DRAXIN: variants seen among roughly 807,000 people sequenced by gnomAD.
DRAXIN encodes the protein dorsal inhibitory axon guidance protein, also known as dorsal repulsive axon guidance protein.
A neutral mutation model predicts 33.9 loss-of-function variants in DRAXIN; 27 were observed. That is an observed-to-expected ratio of 0.80 (90% CI 0.59 to 1.10). The LOEUF (loss-of-function observed/expected upper bound fraction) is 1.10. DRAXIN is among the 50% of genes least tolerant of loss of function. The probability of loss-of-function intolerance (pLI) is 0.00; values close to 1 mark genes in which losing one functional copy is unlikely to be tolerated. For synonymous variants in DRAXIN, 178 were observed against 194.0 expected, an observed-to-expected ratio of 0.92 and a Z score of 0.69; for missense variants, 371 against 460.8, an observed-to-expected ratio of 0.81 and a Z score of 1.78.
At chr1:11,699,292 C>T (rs1429753721) in intron 1 of DRAXIN, among the ~76,000 whole-genome samples, 2 of 152,080 alleles carry the variant, frequency 1.3e-5, no homozygotes, top group Non-Finnish European at 2.9e-5. Context: ...ATCAACAAAA[C>T]AGTGTTTTAT....
chr1:11,710,635 C>A lies in DRAXIN; in HGVS notation c.642+1170C>A, dbSNP rs557604382. On this transcript the variant is annotated intron_variant, in intron 3 of 6. Coordinates refer to ENST00000294485, the MANE Select transcript of DRAXIN (RefSeq NM_198545.4). ...TCTGTGGCTTTTAAAGGTTTTCAGG[C>A]CGGGCGCGGTGGCTCATGCCTGTAA... Among the ~76,000 whole-genome samples the A allele has an allele frequency of 1.3e-4, 20 of 152,020 alleles. No individual in the cohort carries two copies. The South Asian group carries it at 4.0e-3, about 30-fold the overall frequency.
At chr1:11,717,349 G>A (rs1212847557) in intron 6 of DRAXIN, among the ~76,000 whole-genome samples, 3 of 151,880 alleles carry the variant, frequency 2.0e-5, no homozygotes, top group Non-Finnish European at 4.4e-5. Context: ...TCCTACAGTT[G>A]TTTTAGAAAG....
chr1:11,721,877 T>A lies in DRAXIN; in HGVS notation c.*2181T>A, dbSNP rs12138636. On this transcript the variant is annotated 3_prime_UTR_variant, in exon 7 of 7. Coordinates refer to ENST00000294485, the MANE Select transcript of DRAXIN (RefSeq NM_198545.4). ...GGGCTCATGTCTGACATCCCAGCAC[T>A]CTGGGAGGCCGAGGTAGGCAGATCA... The A allele has an allele frequency of 0.056, 8,462 of 152,186 alleles. 295 individuals are homozygous for A. The highest frequency in any genetic ancestry group is 0.078 in the Non-Finnish European group (5,318 of 68,054). 9.4% of individuals were successfully genotyped at this position (152,186 alleles called of 1,614,324 possible).
rs561201803 is a variant in DRAXIN, at chr1:11,718,396, A to T, written c.938-1188A>T. Among the ~76,000 whole-genome samples the T allele has an allele frequency of 1.5e-4, 23 of 151,886 alleles. No individual in the cohort carries two copies. The East Asian group carries it at 3.9e-3, about 25-fold the overall frequency. On this transcript the variant is annotated intron_variant, in intron 6 of 6. Coordinates refer to ENST00000294485, the MANE Select transcript of DRAXIN (RefSeq NM_198545.4). Reference sequence around the variant, plus strand: ...CAGAATTTGAGCCACTTAAAAAAAAATTTAATAACCTTTTTCCTTTCCAAT... The same window carrying T: ...CAGAATTTGAGCCACTTAAAAAAAATTTTAATAACCTTTTTCCTTTCCAAT...
upstream of DRAXIN, among the ~76,000 whole-genome samples, chr1:11,691,181 T>G (rs1412824968): frequency 2.0e-5 from 3 of 148,450 alleles, no homozygotes; most frequent in Non-Finnish European, 4.5e-5. Flanking sequence ...ATTTCTTCCG[T>G]CCCTTTTGAC....
intron 1 of DRAXIN, among the ~76,000 whole-genome samples, chr1:11,695,134 G>A (rs1641171141): frequency 6.6e-6 from 1 of 152,200 alleles, no homozygotes; most frequent in Admixed American, 6.5e-5. Flanking sequence ...GGAATGTGAT[G>A]GAGCAGGGAT....
At position 11,720,084 on chromosome 1, in the gene DRAXIN, A is replaced by G; in HGVS notation, c.*388A>G. 1 of 237,900 alleles carries G rather than the reference A, an allele frequency of 4.2e-6. No individual in the cohort carries two copies. Among genetic ancestry groups the G allele is most frequent in the African/African-American group, 2.2e-5 (1 of 45,872 alleles). 14.7% of individuals were successfully genotyped at this position (237,900 alleles called of 1,614,324 possible). On this transcript the variant is annotated 3_prime_UTR_variant, in exon 7 of 7. Coordinates refer to ENST00000294485, the MANE Select transcript of DRAXIN (RefSeq NM_198545.4). ...GAAGGTCCACCATCAGGAGATGAAT[A>G]TGGAACATCTCCTATGTACCAGGCA...
chr1:11,692,915 G>A lies in DRAXIN; in HGVS notation c.-11+1062G>A, dbSNP rs1043485560. 8.6e-5 allele frequency among the ~76,000 whole-genome samples: 13 copies of A among 151,706 alleles called. 1 individual carries two copies. The highest frequency in any genetic ancestry group is 1.5e-4 in the Non-Finnish European group (10 of 67,948). Reference sequence around the variant, plus strand: ...ATGTGTGTGGAAATTGTGGGGTGCCGCTTGGTGCTGGTTCACACACCCTGT... The same window carrying A: ...ATGTGTGTGGAAATTGTGGGGTGCCACTTGGTGCTGGTTCACACACCCTGT... On this transcript the variant is annotated intron_variant, in intron 1 of 6. Coordinates refer to ENST00000294485, the MANE Select transcript of DRAXIN (RefSeq NM_198545.4). The surrounding 1 kb of genome is among the most constrained non-coding windows in gnomAD (Gnocchi z 5.8).
intron 6 of DRAXIN, among the ~76,000 whole-genome samples, chr1:11,718,315 CAAA>C (rs759545157): frequency 2.1e-5 from 2 of 93,908 alleles, no homozygotes; most frequent in South Asian, 3.6e-4. Context: ...AACTCCATCT[CAAA>C]AAAAAAAAAA....
chr1:11,689,871 C>T (rs1466529049), upstream of DRAXIN, among the ~76,000 whole-genome samples: 1 of 152,000 alleles, frequency 6.6e-6, no homozygotes, highest in African/African-American at 2.4e-5. Context: ...TCCCAGCTCC[C>T]TGTCTGATGT....
chr1:11,718,536 G>A (rs34717076), intron 6 of DRAXIN, among the ~76,000 whole-genome samples: 1 of 152,028 alleles, frequency 6.6e-6, no homozygotes, highest in Middle Eastern at 3.2e-3. Flanking sequence ...CAACCAAGGC[G>A]CACTGCAGCC....
intron 1 of DRAXIN, among the ~76,000 whole-genome samples, chr1:11,699,198 C>G (rs1384043705): frequency 6.6e-6 from 1 of 152,188 alleles, no homozygotes; most frequent in Non-Finnish European, 1.5e-5. Context: ...GGTCCTCCTC[C>G]CCTACTCCCT....
intron 2 of DRAXIN, among the ~76,000 whole-genome samples, chr1:11,707,554 C>A (rs959585072): frequency 2.6e-5 from 4 of 152,216 alleles, no homozygotes; most frequent in African/African-American, 9.6e-5. Context: ...GCGCTTGGAG[C>A]TCAGCTGGCA....
At chr1:11,715,566 G>A (rs1641563438) in intron 6 of DRAXIN, among the ~76,000 whole-genome samples, 1 of 152,036 alleles carries the variant, frequency 6.6e-6, no homozygotes, top group Non-Finnish European at 1.5e-5. Context: ...AGCCTCAGAA[G>A]GCTGCCGCTT....
chr1:11,706,686 G>A lies in DRAXIN; in HGVS notation c.428G>A (p.Arg143Lys). The change falls in exon 2 of 7, where the codon AGG becomes AAG. Residue 143 changes from arginine to lysine, a missense_variant. Transcript: ENST00000294485. This position sits in a 1 kb window ranked among gnomAD's most constrained non-coding sequence, Gnocchi z 5.5. The part of the protein sequence containing the change: ...RKRSREHKRR[R>K]DRLRLHQGRA... ...CGCAGCAGGGAGCACAAGAGACGCA[G>A]GGACAGGTTGAGGCTGCACCAAGGT... 3 of 1,589,614 alleles carry A rather than the reference G, an allele frequency of 1.9e-6. No homozygotes were observed. Among genetic ancestry groups the A allele is most frequent in the Non-Finnish European group, 2.6e-6 (3 of 1,174,192 alleles).
At chr1:11,712,791 C>G (rs762176414) in intron 5 of DRAXIN, among the ~76,000 whole-genome samples, 2 of 151,606 alleles carry the variant, frequency 1.3e-5, no homozygotes, top group Non-Finnish European at 2.9e-5. Context: ...CCCAGCTACT[C>G]GGGAGGATGA....
At chr1:11,711,156 T>A (rs1009236635) in intron 3 of DRAXIN, among the ~76,000 whole-genome samples, 1 of 152,206 alleles carries the variant, frequency 6.6e-6, no homozygotes, top group African/African-American at 2.4e-5. Context: ...AAAGCTTTTT[T>A]AGCAGCAGAT....
chr1:11,701,796 G>A (rs1641278187), intron 1 of DRAXIN, among the ~76,000 whole-genome samples: 1 of 152,178 alleles, frequency 6.6e-6, no homozygotes, highest in Non-Finnish European at 1.5e-5. Flanking sequence ...TTGTGACACA[G>A]CCTCCAACTG....
chr1:11,686,774 G>C (rs1640963298), upstream of DRAXIN, among the ~76,000 whole-genome samples: 1 of 129,062 alleles, frequency 7.7e-6, no homozygotes, highest in Non-Finnish European at 1.6e-5. Context: ...GGGCCACAAG[G>C]TAAGAACTTT....
Sources: allele counts gnomAD v4.1 joint callset (sites outside exome capture counted in the v4.1 genomes callset), GRCh38; gene constraint gnomAD v4.1.1; non-coding constraint Gnocchi (gnomAD v3.1); transcripts MANE v1.5; gene names NCBI Gene and HGNC (gene_info 2026-07-23, HGNC 2026-07-21).